The following HTRA3 variants were observed in gnomAD, a reference collection of about 807,000 sequenced individuals.
HTRA3 encodes serine protease HTRA3.
Under a neutral mutation model 43.2 loss-of-function variants are expected in HTRA3, and 41 were observed. The observed-to-expected ratio is 0.95, with a 90% CI of 0.74 to 1.23. The LOEUF is 1.23. Among genes scored for constraint, HTRA3 ranks in the 50% most tolerant of loss-of-function variants. The pLI is 0.00. For synonymous variants in HTRA3, 295 were observed against 287.9 expected (o/e 1.02, Z -0.25); for missense variants, 628 against 647.1 (o/e 0.97, Z 0.32).
Position 8,296,398 on chromosome 4 carries a change from A to G in HTRA3, c.1051+2197A>G, listed in dbSNP as rs1469693199. 3.0e-6 allele frequency: 3 copies of G among 985,372 alleles called. No individual in the cohort carries two copies. Among genetic ancestry groups the G allele is most frequent in the African/African-American group, 1.7e-5 (1 of 57,250 alleles). 61.0% of individuals were successfully genotyped at this position (985,372 alleles called of 1,614,324 possible). A position where few individuals can be genotyped will look rare whatever the true frequency, so the allele number is the denominator to read the frequency against. On this transcript the variant is annotated intron_variant, in intron 6 of 8. Coordinates refer to ENST00000307358, the MANE Select transcript of HTRA3 (RefSeq NM_053044.5). The surrounding 1 kb of genome is among the most constrained non-coding windows in gnomAD (Gnocchi z 5.3). ...ACCTTAGCTGCATGGCACACTTGCA[A>G]TTTTAAAATCCTTCTGAAGTTGACT...
intron 7 of HTRA3, 105 bp from the exon 8 acceptor site, chr4:8,304,079 G>A (rs1483624685): frequency 1.2e-6 from 1 of 805,264 alleles, no homozygotes; most frequent in East Asian, 2.5e-5. Context: ...GGGCCCAGAG[G>A]TGGCTCCTCT....
chr4:8,304,420 A>G, intron 8 of HTRA3, 141 bp downstream of exon 8: 1 of 644,258 alleles, frequency 1.6e-6, no homozygotes. Context: ...CGTGTCTGCT[A>G]AGCCAGAGGA....
intron 1 of HTRA3, among the ~76,000 whole-genome samples, chr4:8,278,121 A>T (rs1411195197): frequency 6.6e-6 from 1 of 152,138 alleles, no homozygotes; most frequent in African/African-American, 2.4e-5. Context: ...CAGTGTCGCC[A>T]TCTGTTCCAT....
At chr4:8,300,066 C>T (rs1713583656) in intron 6 of HTRA3, among the ~76,000 whole-genome samples, 1 of 152,218 alleles carries the variant, frequency 6.6e-6, no homozygotes, top group Non-Finnish European at 1.5e-5. Flanking sequence ...TCTCAGACTC[C>T]TGACTTCAGG....
chr4:8,303,658 T>A (rs1713736406), intron 7 of HTRA3, among the ~76,000 whole-genome samples: 1 of 152,208 alleles, frequency 6.6e-6, no homozygotes, highest in Admixed American at 6.5e-5. Context: ...GTATGCCAAT[T>A]TATCTTTTGT....
At chr4:8,271,156 G>A (rs1375109158) in intron 1 of HTRA3, among the ~76,000 whole-genome samples, 3 of 152,106 alleles carry the variant, frequency 2.0e-5, no homozygotes, top group Non-Finnish European at 2.9e-5. Flanking sequence ...AACAGGCTCC[G>A]TGGAGCCTCA....
At position 8,304,068 on chromosome 4, in the gene HTRA3, G is replaced by A. The variant is rs113293640; in HGVS notation, c.1101-116G>A. ...GCCAGTGGTGGGACAGGGCAGTATG[G>A]GGGCCCAGAGGTGGCTCCTCTTCTG... On this transcript the variant is annotated intron_variant, in intron 7 of 8. Coordinates refer to ENST00000307358, the MANE Select transcript of HTRA3 (RefSeq NM_053044.5). The A allele has an allele frequency of 3.3e-5, 24 of 722,240 alleles. 2 individuals are homozygous for A. The highest frequency in any genetic ancestry group is 2.6e-4 in the African/African-American group (15 of 57,440). 44.7% of individuals were successfully genotyped at this position (722,240 alleles called of 1,614,324 possible).
intron 6 of HTRA3, 120 bp downstream of exon 6, chr4:8,294,321 A>G (rs985594932): frequency 1.5e-6 from 1 of 677,140 alleles, no homozygotes; most frequent in Non-Finnish European, 2.5e-6. Context: ...TTTGCTCACT[A>G]CTGGACAGGT....
chr4:8,286,580 A>T lies in HTRA3; in HGVS notation c.505A>T (p.Asn169Tyr). The change falls in exon 3 of 9, where the codon AAC becomes TAC. Residue 169 changes from asparagine (N) to tyrosine (Y), a missense_variant. Coordinates refer to ENST00000307358, the MANE Select transcript of HTRA3 (RefSeq NM_053044.5). The surrounding 1 kb of genome is among the most constrained non-coding windows in gnomAD (Gnocchi z 4.9). ...CTGCAGACACCCGCTGTTTGGCCGC[A>T]ACGTGCCCCTGTCCAGCGGTTCTGG... is the stretch of plus-strand genomic sequence containing the variant. ...LFLRHPLFGR[N>Y]VPLSSGSGFI... The T allele has an allele frequency of 6.2e-7, 1 of 1,613,790 alleles. No homozygotes were observed. Among genetic ancestry groups the T allele is most frequent in the Non-Finnish European group, 8.5e-7 (1 of 1,179,992 alleles).
At chr4:8,285,665 G>T (rs1324979224) in intron 2 of HTRA3, among the ~76,000 whole-genome samples, 3 of 152,256 alleles carry the variant, frequency 2.0e-5, no homozygotes, top group Admixed American at 2.0e-4. Context: ...TCCCCTGCTG[G>T]ATGTGGGGCT....
chr4:8,296,005 G>A lies in HTRA3; in HGVS notation c.1051+1804G>A. ...TAGGAAGCTCAGAGCTAGATTCAGG[G>A]GTGCACCCAGACCTGTCCTAGCATG... On this transcript the variant is annotated intron_variant, in intron 6 of 8. Transcript: ENST00000307358. This position sits in a 1 kb window ranked among gnomAD's most constrained non-coding sequence, Gnocchi z 5.3. The A allele has an allele frequency of 1.7e-6, 2 of 1,183,084 alleles. No individual in the cohort carries two copies. Among genetic ancestry groups the A allele is most frequent in the Middle Eastern group, 3.4e-4 (1 of 2,978 alleles). The allele number at this position is 1,183,084 out of a possible 1,614,324, so 73.3% of individuals were successfully genotyped here.
At chr4:8,305,650 C>T (rs555701126) in intron 8 of HTRA3, among the ~76,000 whole-genome samples, 67 of 152,286 alleles carry the variant, frequency 4.4e-4, no homozygotes, top group African/African-American at 1.2e-3. Flanking sequence ...TTGCAAAGTG[C>T]GTTTCCACAT....
chr4:8,294,275 C>A, intron 6 of HTRA3, 74 bp downstream of exon 6: 1 of 1,126,340 alleles, frequency 8.9e-7, no homozygotes, highest in Non-Finnish European at 1.3e-6. Flanking sequence ...ACACCCCAGC[C>A]CTGGGACCAA....
At chr4:8,292,250 A>G (rs1265856258) in intron 4 of HTRA3, 71 bp from the exon 5 acceptor site, 2 of 1,393,078 alleles carry the variant, frequency 1.4e-6, no homozygotes, top group East Asian at 2.3e-5. Flanking sequence ...TTAGAGGCAG[A>G]TCTGGAGAAG....
intron 3 of HTRA3, among the ~76,000 whole-genome samples, chr4:8,290,264 T>C (rs569216902): frequency 1.1e-4 from 16 of 152,374 alleles, no homozygotes; most frequent in African/African-American, 3.4e-4. Context: ...TCCCCATTAT[T>C]GACAGCTTTC....
chr4:8,274,272 G>A (rs752606411), intron 1 of HTRA3, among the ~76,000 whole-genome samples: 5 of 152,166 alleles, frequency 3.3e-5, no homozygotes, highest in African/African-American at 7.2e-5. Flanking sequence ...TTGCCTTAGC[G>A]TGGTGGGTTC....
Position 8,304,171 on chromosome 4 carries a change from A to T in HTRA3, c.1101-13A>T, listed in dbSNP as rs892530753. On this transcript the variant is annotated splice_polypyrimidine_tract_variant and intron_variant, in intron 7 of 8. Coordinates refer to ENST00000307358, the MANE Select transcript of HTRA3 (RefSeq NM_053044.5). ...GGCTCAGGGGAGGGGCCTTGACGGC[A>T]GACTCTTTCCAGCCTGGTGGATGAG... The T allele has an allele frequency of 3.1e-6, 5 of 1,612,144 alleles. No homozygotes were observed. The highest frequency in any genetic ancestry group is 1.7e-5 in the Admixed American group (1 of 59,984).
At position 8,296,265 on chromosome 4, in the gene HTRA3, T is replaced by C; in HGVS notation, c.1051+2064T>C. 1.0e-6 allele frequency: 1 copy of C among 985,596 alleles called. No homozygotes were observed. The highest frequency in any genetic ancestry group is 1.2e-6 in the Non-Finnish European group (1 of 830,070). 61.1% of individuals were successfully genotyped at this position (985,596 alleles called of 1,614,324 possible). ...TTGCTCCTTTGTTGTACAGGGGCTG[T>C]CCCAGTTAGTGCTGACCTCATCCCA... is the stretch of plus-strand genomic sequence containing the variant. On this transcript the variant is annotated intron_variant, in intron 6 of 8. Transcript: ENST00000307358. The surrounding 1 kb of genome is among the most constrained non-coding windows in gnomAD (Gnocchi z 5.3).
At chr4:8,280,504 C>G (rs1434803098) in intron 1 of HTRA3, among the ~76,000 whole-genome samples, 2 of 152,192 alleles carry the variant, frequency 1.3e-5, no homozygotes, top group African/African-American at 4.8e-5. Context: ...GGAGGAGAAG[C>G]AGACAGGCCT....
Sources: allele counts gnomAD v4.1 joint callset (sites outside exome capture counted in the v4.1 genomes callset), GRCh38; gene constraint gnomAD v4.1.1; non-coding constraint Gnocchi (gnomAD v3.1); transcripts MANE v1.5; gene names NCBI Gene and HGNC (gene_info 2026-07-23, HGNC 2026-07-21).